Variants in PHLDB2 observed in about 807,000 individuals in gnomAD.
PHLDB2 encodes the protein pleckstrin homology-like domain family B member 2.
In PHLDB2, 71 loss-of-function variants were observed where a neutral mutation model predicts 123.6. The ratio of observed to expected loss-of-function variants is 0.57; its 90% CI spans 0.47 to 0.70. The LOEUF is 0.70. Ranked by LOEUF, PHLDB2 falls within the 30% of genes least tolerant of loss-of-function variation. The pLI, the probability that PHLDB2 is intolerant of heterozygous loss-of-function variation, is 0.00. For synonymous variants in PHLDB2, 547 were observed against 541.6 expected, an observed-to-expected ratio of 1.01 and a Z score of -0.14; for missense variants, 1,446 against 1,519.5, an observed-to-expected ratio of 0.95 and a Z score of 0.80.
chr3:111,744,138 A>C (rs997366072), intron 1 of PHLDB2, among the ~76,000 whole-genome samples: 39 of 152,238 alleles, frequency 2.6e-4, no homozygotes, highest in African/African-American at 9.2e-4. Flanking sequence ...AGTTGGGCAG[A>C]AAATGAACTG....
At chr3:111,801,862 C>T (rs944573718) in intron 1 of PHLDB2, among the ~76,000 whole-genome samples, 6 of 131,580 alleles carry the variant, frequency 4.6e-5, no homozygotes, top group African/African-American at 1.7e-4. Context: ...GGAGTGACTG[C>T]TCATGGATAT....
chr3:111,866,381 G>GTGTTTGTTCC (rs1224957985), intron 1 of PHLDB2, among the ~76,000 whole-genome samples: 1 of 152,116 alleles, frequency 6.6e-6, no homozygotes, highest in Non-Finnish European at 1.5e-5. Context: ...TGGTTGACCT[G>GTGTTTGTTCC]TGTTTGTTCC....
Position 111,930,078 on chromosome 3 carries a change from A to ATT in PHLDB2, c.2002-2177_2002-2176dup, listed in dbSNP as rs757234108. On this transcript the variant is annotated intron_variant, in intron 5 of 17. Transcript: ENST00000431670. ...AGACACCTGCCACCATGCCCAGCTA[A>ATT]TTTTTTTTTTTTTTTAGTAGAGACG... 1.8e-4 allele frequency among the ~76,000 whole-genome samples: 26 copies of ATT among 140,816 alleles called. 1 individual carries two copies. Among genetic ancestry groups the ATT allele is most frequent in the Admixed American group, 5.0e-4 (7 of 14,048 alleles). The allele number at this position is 140,816 out of a possible 152,430, so 92.4% of individuals were successfully genotyped here.
chr3:111,902,123 G>T (rs1486756950), intron 2 of PHLDB2, among the ~76,000 whole-genome samples: 1 of 152,030 alleles, frequency 6.6e-6, no homozygotes, highest in African/African-American at 2.4e-5. Context: ...ATCAGGAAAA[G>T]GTCTAAAATA....
chr3:111,797,234 GT>G (rs2061196388), intron 1 of PHLDB2, among the ~76,000 whole-genome samples: 1 of 152,160 alleles, frequency 6.6e-6, no homozygotes, highest in Admixed American at 6.5e-5. Context: ...CTCAATATCT[GT>G]TTCCCCCACT....
Position 111,821,625 on chromosome 3 carries a change from C to T in PHLDB2, c.-48-24196C>T, listed in dbSNP as rs1004469891. Among the ~76,000 whole-genome samples, 12 of 152,222 alleles carry T rather than the reference C, an allele frequency of 7.9e-5. No individual in the cohort carries two copies. The East Asian group carries it at 1.9e-3, about 24-fold the overall frequency. On this transcript the variant is annotated intron_variant, in intron 1 of 17. Coordinates refer to the PHLDB2 transcript ENST00000393923. The stretch of plus-strand genomic sequence containing the variant: ...GGTAAACTGCTTTATTTAAAGGTTG[C>T]TCATTTAAATATTAATCTTAAAAAA...
chr3:111,885,713 G>A, intron 2 of PHLDB2: 1 of 616,468 alleles, frequency 1.6e-6, no homozygotes, highest in Non-Finnish European at 2.9e-6. Context: ...TGAAATTTCT[G>A]AGTCTTACAA....
intron 1 of PHLDB2, among the ~76,000 whole-genome samples, chr3:111,783,002 T>G (rs2108121058): frequency 6.6e-6 from 1 of 152,224 alleles, no homozygotes; most frequent in Admixed American, 6.5e-5. Context: ...TTCCTTTTTC[T>G]TCTTAGTTCC....
chr3:111,831,851 G>A (rs1553736644), intron 1 of PHLDB2, among the ~76,000 whole-genome samples: 1 of 152,162 alleles, frequency 6.6e-6, no homozygotes, highest in South Asian at 2.1e-4. Flanking sequence ...GGATGTTGTA[G>A]TACCTTCTGC....
At chr3:111,870,815 A>AT (rs1418112607) in intron 1 of PHLDB2, among the ~76,000 whole-genome samples, 1 of 152,200 alleles carries the variant, frequency 6.6e-6, no homozygotes, top group Admixed American at 6.5e-5. Context: ...ACATCATCTT[A>AT]TTGTAAACAT....
At chr3:111,955,290 T>C (rs998292954) in intron 12 of PHLDB2, among the ~76,000 whole-genome samples, 1 of 149,176 alleles carries the variant, frequency 6.7e-6, no homozygotes, top group African/African-American at 2.6e-5. Flanking sequence ...AATAAACTGA[T>C]TGAACTATTT....
rs5851795 is a variant in PHLDB2, at chr3:111,840,792, CA to C, written c.-48-5028del. ...AGAATAAAATGACAAGATGTCTATACAGACTTCAGTACAATGCCTGACACAA... is the reference window on the plus strand; with the variant it reads ...AGAATAAAATGACAAGATGTCTATACGACTTCAGTACAATGCCTGACACAA... On this transcript the variant is annotated intron_variant, in intron 1 of 17. Coordinates refer to the PHLDB2 transcript ENST00000393923. Among the ~76,000 whole-genome samples the C allele has an allele frequency of 1.1e-3, 161 of 152,286 alleles. 2 individuals carry two copies. In the East Asian group the frequency reaches 0.028, roughly 27 times the overall value.
chr3:111,866,013 C>CTTTTTTTT (rs1239058039), intron 1 of PHLDB2, among the ~76,000 whole-genome samples: 6 of 47,670 alleles, frequency 1.3e-4, no homozygotes, highest in East Asian at 1.3e-3. Flanking sequence ...CCCACCCACT[C>CTTTTTTTT]ATTTTTTTTT....
Position 111,884,696 on chromosome 3 carries a change from C to A in PHLDB2, c.619C>A (p.Gln207Lys), listed in dbSNP as rs1360588899. The A allele has an allele frequency of 6.2e-7, 1 of 1,614,120 alleles. No individual in the cohort carries two copies. The highest frequency in any genetic ancestry group is 2.2e-5 in the East Asian group (1 of 44,864). Residue 207 changes from glutamine to lysine, a missense_variant, in exon 2 of 18, where the codon CAA (glutamine) becomes AAA (lysine). Transcript: ENST00000431670. ...CGCAAGCATGCCTTCAAGCCCAAAG[C>A]AAGCCAGGAAAATGAGCATTCAGGA... is the stretch of plus-strand genomic sequence containing the variant. The part of the protein sequence containing the change: ...GAASMPSSPK[Q>K]ARKMSIQDSL...
At position 111,831,034 on chromosome 3, in the gene PHLDB2, G is replaced by GAAAGAAAGAAAGA. The variant is rs1559855393; in HGVS notation, c.-48-14785_-48-14784insAGAAAGAAAGAAA. 6.8e-3 allele frequency among the ~76,000 whole-genome samples: 315 copies of GAAAGAAAGAAAGA among 46,026 alleles called. 28 individuals carry two copies. Among genetic ancestry groups the GAAAGAAAGAAAGA allele is most frequent in the East Asian group, 0.019 (37 of 1,898 alleles). 30.2% of individuals were successfully genotyped at this position (46,026 alleles called of 152,430 possible). ...GAAAGAAAGAAAGAAAGAAAGAAAGGAAGGAAGGAAGAAAGAGAAAAGAGA... is the reference window on the plus strand; with the variant it reads ...GAAAGAAAGAAAGAAAGAAAGAAAGGAAAGAAAGAAAGAAAGGAAGGAAGAAAGAGAAAAGAGA... On this transcript the variant is annotated intron_variant, in intron 1 of 17. Coordinates refer to the PHLDB2 transcript ENST00000393923.
At chr3:111,949,254 A>G (rs1223206178) in intron 10 of PHLDB2, among the ~76,000 whole-genome samples, 179 bp downstream of exon 10, 3 of 152,236 alleles carry the variant, frequency 2.0e-5, no homozygotes, top group Admixed American at 2.0e-4. Flanking sequence ...TGCTCTGCCA[A>G]TAAAAAATTC....
chr3:111,890,278 A>G (rs1200805544), intron 2 of PHLDB2, among the ~76,000 whole-genome samples: 2 of 152,222 alleles, frequency 1.3e-5, no homozygotes, highest in Admixed American at 1.3e-4. Context: ...GATTAGAAAC[A>G]AAAACTAAGA....
intron 15 of PHLDB2, among the ~76,000 whole-genome samples, chr3:111,968,347 T>C (rs551836908): frequency 6.6e-6 from 1 of 152,352 alleles, no homozygotes; most frequent in South Asian, 2.1e-4. Flanking sequence ...TTGTCACATG[T>C]GTTCCCTTTG....
At chr3:111,897,132 C>CT (rs1188535724) in intron 2 of PHLDB2, among the ~76,000 whole-genome samples, 4 of 152,222 alleles carry the variant, frequency 2.6e-5, no homozygotes, top group Non-Finnish European at 5.9e-5. Flanking sequence ...CCACTGATTT[C>CT]TTCTCCATTT....
Sources: gnomAD v4.1 joint callset for allele counts (sites outside exome capture counted in the v4.1 genomes callset) on GRCh38, gnomAD v4.1.1 for gene constraint, MANE v1.5 for transcripts, NCBI Gene and HGNC (gene_info 2026-07-23, HGNC 2026-07-21) for gene names.